The following CTNND2 variants were observed in gnomAD, a reference collection of about 807,000 sequenced individuals.
CTNND2 encodes catenin delta-2.
Under a neutral mutation model 144.4 loss-of-function variants are expected in CTNND2, and 22 were observed. The ratio of observed to expected loss-of-function variants is 0.15; its 90% CI spans 0.11 to 0.22. CTNND2 has a LOEUF of 0.22. Among genes scored for constraint, CTNND2 ranks in the 10% least tolerant of loss-of-function variants. The probability of loss-of-function intolerance (pLI) is 1.00; values close to 1 mark genes in which losing one functional copy is unlikely to be tolerated. For synonymous variants in CTNND2, 751 were observed against 695.6 expected, an observed-to-expected ratio of 1.08 and a Z score of -1.25; for missense variants, 1,353 against 1,618.8, an observed-to-expected ratio of 0.84 and a Z score of 2.82.
chr5:11,729,353 C>T (rs1787200193), intron 2 of CTNND2, among the ~76,000 whole-genome samples: 1 of 152,264 alleles, frequency 6.6e-6, no homozygotes, highest in South Asian at 2.1e-4. Context: ...AACACAAATG[C>T]TAATCAATAT....
chr5:11,901,995 G>A (rs1195891013), intron 1 of CTNND2, among the ~76,000 whole-genome samples: 7 of 152,204 alleles, frequency 4.6e-5, no homozygotes, highest in Non-Finnish European at 7.3e-5. Context: ...AAAGTTCCCT[G>A]AATGTGAATA....
chr5:11,641,669 CGTGTGTAT>C (rs1561648582), intron 2 of CTNND2, among the ~76,000 whole-genome samples: 143 of 122,236 alleles, frequency 1.2e-3, no homozygotes, highest in East Asian at 3.2e-3. Flanking sequence ...TATACATATA[CGTGTGTAT>C]ATACATATAC....
chr5:11,663,231 A>C (rs1218777463), intron 2 of CTNND2, among the ~76,000 whole-genome samples: 4 of 152,216 alleles, frequency 2.6e-5, no homozygotes, highest in Non-Finnish European at 4.4e-5. Context: ...TATAAGACTG[A>C]TAAAAATTAG....
At chr5:11,087,699 TTAATAAG>T (rs1750324372) in intron 15 of CTNND2, among the ~76,000 whole-genome samples, 1 of 65,968 alleles carries the variant, frequency 1.5e-5, no homozygotes, top group Non-Finnish European at 3.7e-5. Context: ...ATAAATCAAT[TTAATAAG>T]CACAAATTTT....
At chr5:11,817,595 G>A (rs997799225) in intron 1 of CTNND2, among the ~76,000 whole-genome samples, 3 of 152,078 alleles carry the variant, frequency 2.0e-5, no homozygotes, top group African/African-American at 7.2e-5. Flanking sequence ...ACAGCTTTGC[G>A]GGGCAGCTGT....
chr5:11,498,511 C>A (rs1008711524), intron 3 of CTNND2, among the ~76,000 whole-genome samples: 1 of 152,094 alleles, frequency 6.6e-6, no homozygotes, highest in Admixed American at 6.5e-5. Flanking sequence ...CAATGTTCTG[C>A]AAAATTATTT....
At chr5:11,525,813 T>C (rs1419622282) in intron 3 of CTNND2, among the ~76,000 whole-genome samples, 1 of 152,240 alleles carries the variant, frequency 6.6e-6, no homozygotes, top group African/African-American at 2.4e-5. Flanking sequence ...CAGGGCTTGG[T>C]GGCCACCTGG....
intron 3 of CTNND2, among the ~76,000 whole-genome samples, chr5:11,545,166 A>G (rs71599575): frequency 0.03 from 4,532 of 150,596 alleles, 210 homozygotes; most frequent in East Asian, 0.22. Context: ...GCAAAAAAAT[A>G]CAAAAATTAG....
At chr5:11,046,791 ACT>A (rs1255002827) in intron 16 of CTNND2, among the ~76,000 whole-genome samples, 4 of 152,210 alleles carry the variant, frequency 2.6e-5, no homozygotes, top group Non-Finnish European at 5.9e-5. Flanking sequence ...CATCACTGTC[ACT>A]ACCACTGGAT....
At position 11,499,138 on chromosome 5, in the gene CTNND2, A is replaced by C. The variant is rs61757505; in HGVS notation, c.287+65806T>G. Among the ~76,000 whole-genome samples the C allele has an allele frequency of 6.9e-3, 1,044 of 152,256 alleles. 15 individuals carry two copies. Among genetic ancestry groups the C allele is most frequent in the African/African-American group, 0.024 (1,000 of 41,528 alleles). On this transcript the variant is annotated intron_variant, in intron 3 of 21. Transcript: ENST00000304623. ...GTATTCTACTATATCTCAAGTTTTG[A>C]GGGAATAAACACCTTTGAAAATCTA...
At chr5:11,377,939 C>T (rs1213149209) in intron 7 of CTNND2, among the ~76,000 whole-genome samples, 2 of 152,144 alleles carry the variant, frequency 1.3e-5, no homozygotes, top group Non-Finnish European at 2.9e-5. Flanking sequence ...GACCCGTAGG[C>T]AGATGAATGC....
intron 16 of CTNND2, among the ~76,000 whole-genome samples, chr5:11,026,107 A>G (rs954278433): frequency 6.6e-6 from 1 of 152,128 alleles, no homozygotes; most frequent in African/African-American, 2.4e-5. Context: ...CTGGATCACC[A>G]GGTGGAGGTT....
At chr5:11,317,273 T>C (rs1442881168) in intron 9 of CTNND2, among the ~76,000 whole-genome samples, 1 of 152,198 alleles carries the variant, frequency 6.6e-6, no homozygotes, top group African/African-American at 2.4e-5. Context: ...AACTCAGTCT[T>C]ACCCTAGATA....
At chr5:11,241,100 CCAA>C (rs939747902) in intron 9 of CTNND2, among the ~76,000 whole-genome samples, 14 of 151,012 alleles carry the variant, frequency 9.3e-5, no homozygotes, top group African/African-American at 3.4e-4. Flanking sequence ...ATACACACAC[CCAA>C]CATGTACACA....
rs1290359541 is a variant in CTNND2 at position 11,346,565 on chromosome 5, G to C, written c.1435C>G (p.Gln479Glu). ...TGGAAGGTGGCCGCGGCGGCATTCT[G>C]TGGGCCGTGCTGGCTGCCTGTGCGC... is the stretch of plus-strand genomic sequence containing the variant. ...LQRTGSQHGP[Q>E]NAAAATFQRA... The change falls in exon 9 of 22, where the codon CAG becomes GAG. Residue 479 changes from glutamine to glutamate, a missense_variant. Around this residue, in one of 4 missense-constraint regions of CTNND2, gnomAD observed 708 missense variants for 706.4 expected, o/e 1.00. Coordinates refer to ENST00000304623, the MANE Select transcript of CTNND2 (RefSeq NM_001332.4). 6 of 1,602,026 alleles carry C rather than the reference G, an allele frequency of 3.7e-6. No individual in the cohort carries two copies. The South Asian group carries it at 5.6e-5, about 15-fold the overall frequency.
intron 3 of CTNND2, among the ~76,000 whole-genome samples, chr5:11,424,028 A>G (rs909745206): frequency 6.6e-5 from 10 of 152,196 alleles, no homozygotes; most frequent in Admixed American, 5.9e-4. Context: ...CTTCCTTAAG[A>G]GCAATACTGG....
chr5:11,831,099 A>G (rs7731468), intron 1 of CTNND2, among the ~76,000 whole-genome samples: 25,193 of 151,968 alleles, frequency 0.17, 4,894 homozygotes, highest in African/African-American at 0.47. Context: ...ACTCAACATG[A>G]TTAAGTTGTA....
At chr5:11,403,000 T>C (rs6880052) in intron 5 of CTNND2, among the ~76,000 whole-genome samples, 4,121 of 152,312 alleles carry the variant, frequency 0.027, 181 homozygotes, top group African/African-American at 0.094. Flanking sequence ...GGTCAAATGT[T>C]TGCACTACAC....
intron 3 of CTNND2, among the ~76,000 whole-genome samples, chr5:11,426,485 G>A (rs1413506172): frequency 6.6e-6 from 1 of 152,192 alleles, no homozygotes; most frequent in East Asian, 1.9e-4. Context: ...AGTGAAATCT[G>A]ACAGGTCAAT....
Sources: allele counts gnomAD v4.1 joint callset (sites outside exome capture counted in the v4.1 genomes callset), GRCh38; gene constraint gnomAD v4.1.1; regional missense constraint gnomAD v4.1.1; transcripts MANE v1.5; gene names NCBI Gene and HGNC (gene_info 2026-07-23, HGNC 2026-07-21).